RBFOX1: variants seen among roughly 807,000 people sequenced by gnomAD.
RBFOX1 encodes RNA binding fox-1 homolog 1.
Under a neutral mutation model 57.7 loss-of-function variants are expected in RBFOX1, and 8 were observed. That is an observed-to-expected ratio of 0.14 (90% CI 0.08 to 0.25). The LOEUF (loss-of-function observed/expected upper bound fraction) is 0.25. RBFOX1 is among the 10% of genes least tolerant of loss of function. The probability of loss-of-function intolerance (pLI) is 1.00; values close to 1 mark genes in which losing one functional copy is unlikely to be tolerated. For synonymous variants in RBFOX1, 326 were observed against 222.4 expected, an observed-to-expected ratio of 1.47 and a Z score of -4.15; for missense variants, 611 against 548.5, an observed-to-expected ratio of 1.11 and a Z score of -1.14.
intron 4 of RBFOX1, among the ~76,000 whole-genome samples, chr16:7,348,899 G>A (rs796798016): frequency 6.6e-6 from 1 of 152,008 alleles, no homozygotes; most frequent in Non-Finnish European, 1.5e-5. Flanking sequence ...CCAAGATTAC[G>A]CCACTGCACT....
intron 1 of RBFOX1, among the ~76,000 whole-genome samples, chr16:5,261,372 A>T (rs2062727198): frequency 6.6e-6 from 1 of 151,504 alleles, no homozygotes; most frequent in South Asian, 2.1e-4. Flanking sequence ...TATTATGAAG[A>T]CTGTTTTTTT....
intron 2 of RBFOX1, among the ~76,000 whole-genome samples, chr16:6,378,967 T>G (rs1397154795): frequency 6.6e-6 from 1 of 151,894 alleles, no homozygotes; most frequent in African/African-American, 2.4e-5. Context: ...AAAAAGAAAG[T>G]AGCAATGGAG....
chr16:7,438,660 C>G (rs1375004321), intron 4 of RBFOX1, among the ~76,000 whole-genome samples: 3 of 152,186 alleles, frequency 2.0e-5, no homozygotes, highest in African/African-American at 7.2e-5. Context: ...GAATTTTAAA[C>G]CAGCCCATTA....
chr16:7,350,665 G>C (rs975203565), intron 4 of RBFOX1, among the ~76,000 whole-genome samples: 1 of 152,142 alleles, frequency 6.6e-6, no homozygotes, highest in Non-Finnish European at 1.5e-5. Flanking sequence ...TGTTATCCAC[G>C]ATTGGCTAGT....
At chr16:5,898,981 T>G (rs1359020809) in intron 4 of RBFOX1, among the ~76,000 whole-genome samples, 7 of 151,562 alleles carry the variant, frequency 4.6e-5, no homozygotes, top group African/African-American at 1.7e-4. Context: ...GAGGATCACT[T>G]GAGCCCAGGA....
At chr16:5,896,499 C>A (rs77657981) in intron 4 of RBFOX1, among the ~76,000 whole-genome samples, 1 of 152,052 alleles carries the variant, frequency 6.6e-6, no homozygotes, top group Non-Finnish European at 1.5e-5. Flanking sequence ...CTCTCCTTTG[C>A]GTTCCAACAT....
chr16:6,821,744 C>G (rs2091344287), intron 3 of RBFOX1, among the ~76,000 whole-genome samples: 1 of 152,278 alleles, frequency 6.6e-6, no homozygotes, highest in Admixed American at 6.5e-5. Context: ...GAATAATATT[C>G]CACTGTAGAA....
chr16:7,175,681 C>G (rs1182534186), intron 4 of RBFOX1, among the ~76,000 whole-genome samples: 2 of 152,178 alleles, frequency 1.3e-5, no homozygotes, highest in Admixed American at 6.5e-5. Context: ...CACGTGTTAC[C>G]CTGTCAGTTC....
At chr16:5,535,818 A>G (rs902205497) in intron 2 of RBFOX1, among the ~76,000 whole-genome samples, 1 of 152,206 alleles carries the variant, frequency 6.6e-6, no homozygotes, top group Non-Finnish European at 1.5e-5. Flanking sequence ...CACATTCGAC[A>G]AAAGACTTGT....
intron 3 of RBFOX1, among the ~76,000 whole-genome samples, chr16:6,849,383 G>C (rs564041879): frequency 6.6e-6 from 1 of 152,146 alleles, no homozygotes; most frequent in Non-Finnish European, 1.5e-5. Flanking sequence ...GAACTGAAAG[G>C]CCTGGCTGGG....
rs572508555 is a variant in RBFOX1, at chr16:6,418,127, C to G, written c.-64+101070C>G. On this transcript the variant is annotated intron_variant, in intron 2 of 15. Coordinates refer to ENST00000550418, the MANE Select transcript of RBFOX1 (RefSeq NM_018723.4). ...GTAAGTAACATTTGCTAAGGACTTA[C>G]TGGGGAGTGTCATGGTTTATGCCAT... is the stretch of plus-strand genomic sequence containing the variant. Among the ~76,000 whole-genome samples the G allele has an allele frequency of 7.9e-5, 12 of 152,304 alleles. No homozygotes were observed. The South Asian group carries it at 1.2e-3, about 16-fold the overall frequency.
At chr16:6,826,948 G>A (rs1377327044) in intron 3 of RBFOX1, among the ~76,000 whole-genome samples, 1 of 152,120 alleles carries the variant, frequency 6.6e-6, no homozygotes, top group Non-Finnish European at 1.5e-5. Context: ...GGAAGAAATA[G>A]GTGAGGATAT....
intron 2 of RBFOX1, among the ~76,000 whole-genome samples, chr16:6,620,402 C>A (rs1053024966): frequency 6.6e-6 from 1 of 152,100 alleles, no homozygotes; most frequent in East Asian, 1.9e-4. Flanking sequence ...TTAGAAAGAT[C>A]TCAAGGTAAC....
At chr16:6,447,943 A>G (rs185976351) in intron 2 of RBFOX1, among the ~76,000 whole-genome samples, 3 of 150,194 alleles carry the variant, frequency 2.0e-5, no homozygotes, top group Non-Finnish European at 2.9e-5. Flanking sequence ...TTAATTAATT[A>G]TCTGTGTTAC....
chr16:5,830,661 G>T (rs1355836249), intron 3 of RBFOX1, among the ~76,000 whole-genome samples: 1 of 152,152 alleles, frequency 6.6e-6, no homozygotes, highest in African/African-American at 2.4e-5. Flanking sequence ...GATCTTTGAG[G>T]CCAGATCAAA....
At chr16:5,536,099 C>G (rs374681471) in intron 2 of RBFOX1, among the ~76,000 whole-genome samples, 68 of 146,870 alleles carry the variant, frequency 4.6e-4, no homozygotes, top group African/African-American at 1.7e-3. Context: ...CATCAAGCCC[C>G]CCCCCCCTTT....
chr16:6,976,766 C>T (rs114068242), intron 3 of RBFOX1, among the ~76,000 whole-genome samples: 52 of 120,552 alleles, frequency 4.3e-4, no homozygotes, highest in African/African-American at 1.0e-3. Context: ...ACATATATAT[C>T]GTATGACATA....
intron 4 of RBFOX1, among the ~76,000 whole-genome samples, chr16:7,274,631 T>TTTTA (rs71391613): frequency 0.16 from 24,448 of 151,420 alleles, 2,114 homozygotes; most frequent in Middle Eastern, 0.23. Context: ...GGTCATTAGT[T>TTTTA]TTTATTTATT....
At chr16:6,070,178 A>T (rs2095818476) in intron 1 of RBFOX1, among the ~76,000 whole-genome samples, 1 of 152,184 alleles carries the variant, frequency 6.6e-6, no homozygotes, top group Non-Finnish European at 1.5e-5. Flanking sequence ...CTTTTCAGAA[A>T]CAAAGCTGTT....
Sources: gnomAD v4.1 joint callset for allele counts (sites outside exome capture counted in the v4.1 genomes callset) on GRCh38, gnomAD v4.1.1 for gene constraint, MANE v1.5 for transcripts, NCBI Gene and HGNC (gene_info 2026-07-23, HGNC 2026-07-21) for gene names.